KMT2C: variants seen among roughly 807,000 people sequenced by gnomAD.
KMT2C encodes the protein histone-lysine N-methyltransferase 2C.
A neutral mutation model predicts 507.9 loss-of-function variants in KMT2C; 88 were observed. The ratio of observed to expected loss-of-function variants is 0.17; its 90% CI spans 0.15 to 0.21. The LOEUF (loss-of-function observed/expected upper bound fraction) is 0.21, where lower values mean the gene tolerates loss of function less well. Ranked by LOEUF, KMT2C falls within the 10% of genes least tolerant of loss-of-function variation. KMT2C has a pLI of 1.00. For missense variants in KMT2C, 4,954 were observed against 5,957.8 expected (o/e 0.83, Z 5.55); for synonymous variants, 2,049 against 2,080.8 (o/e 0.98, Z 0.42).
At chr7:152,271,545 C>T (rs765685966) in intron 7 of KMT2C, among the ~76,000 whole-genome samples, 4 of 151,702 alleles carry the variant, frequency 2.6e-5, no homozygotes, top group African/African-American at 4.8e-5. Context: ...TGATGGTATG[C>T]GCCTGTAATC....
rs2129113634 is a variant in KMT2C at position 152,176,774 on chromosome 7, G to A, written c.8679C>T (p.Val2893=). ...NRETAGPSAN[V]IQASTQLPAQ... ...CAGGTAGTTGAGTGGATGCCTGAAT[G>A]ACATTTGCACTGGGGCCAGCAGTTT... is the stretch of plus-strand genomic sequence containing the variant. Residue 2893 remains valine, a synonymous_variant, in exon 38 of 59, where the codon GTC becomes GTT. Coordinates refer to ENST00000262189, the MANE Select transcript of KMT2C (RefSeq NM_170606.3). 2 of 1,614,170 alleles carry A rather than the reference G, an allele frequency of 1.2e-6. No individual in the cohort carries two copies. Among genetic ancestry groups the A allele is most frequent in the East Asian group, 2.2e-5 (1 of 44,874 alleles).
Position 152,196,182 on chromosome 7 carries a change from A to T in KMT2C, c.4274-171T>A, listed in dbSNP as rs183870471. Among the ~76,000 whole-genome samples the T allele has an allele frequency of 2.2e-3, 335 of 152,344 alleles. 3 individuals carry two copies. Among genetic ancestry groups the T allele is most frequent in the Middle Eastern group, 0.01 (3 of 294 alleles). The stretch of plus-strand genomic sequence containing the variant: ...CCATAGCAAAGGAGATAATGTTTTG[A>T]ATTACAAAAATTTACTAAAAATTCA... On this transcript the variant is annotated intron_variant, in intron 27 of 58. Transcript: ENST00000262189.
At chr7:152,267,282 A>C (rs1230769942) in intron 7 of KMT2C, among the ~76,000 whole-genome samples, 3 of 152,226 alleles carry the variant, frequency 2.0e-5, no homozygotes, top group Non-Finnish European at 4.4e-5. Context: ...TTATTCTTCA[A>C]GTCTTACTGG....
At chr7:152,247,346 T>C (rs2095487836) in intron 14 of KMT2C, among the ~76,000 whole-genome samples, 1 of 152,154 alleles carries the variant, frequency 6.6e-6, no homozygotes. Flanking sequence ...AACAGTACAA[T>C]TCTAAGATTT....
intron 55 of KMT2C, among the ~76,000 whole-genome samples, chr7:152,142,290 G>C (rs1389299301): frequency 6.6e-6 from 1 of 152,214 alleles, no homozygotes. Context: ...GGAAAATTCT[G>C]AATAGTGTAA....
At chr7:152,270,670 T>C (rs575536668) in intron 7 of KMT2C, among the ~76,000 whole-genome samples, 8 of 152,318 alleles carry the variant, frequency 5.3e-5, no homozygotes, top group East Asian at 1.9e-4. Flanking sequence ...TCTTGCATGA[T>C]TGGCTTTGTG....
chr7:152,240,884 G>A (rs1323198221), intron 14 of KMT2C, among the ~76,000 whole-genome samples: 2 of 152,162 alleles, frequency 1.3e-5, no homozygotes, highest in African/African-American at 4.8e-5. Context: ...TGCTGGTTAT[G>A]CTTCTCCGAC....
At chr7:152,360,836 C>T (rs867761135) in intron 1 of KMT2C, among the ~76,000 whole-genome samples, 3 of 145,064 alleles carry the variant, frequency 2.1e-5, no homozygotes, top group Admixed American at 6.9e-5. Flanking sequence ...GCAACAAGGG[C>T]GAAATTCTAT....
chr7:152,215,309 T>G (rs10242004), intron 23 of KMT2C, among the ~76,000 whole-genome samples: 1 of 151,218 alleles, frequency 6.6e-6, no homozygotes, highest in African/African-American at 2.4e-5. Flanking sequence ...TTCAGGAGAT[T>G]GAGACCAACC....
rs1200958287 is a variant in KMT2C at position 152,412,037 on chromosome 7, A to T, written c.161+23589T>A. ...ATCAAGGATGTCCTACTTGGGCCTC[A>T]CTCTCCCAAACAGAGCCTATTTTCT... On this transcript the variant is annotated intron_variant, in intron 1 of 58. Transcript: ENST00000262189. Among the ~76,000 whole-genome samples, 5 of 152,266 alleles carry T rather than the reference A, an allele frequency of 3.3e-5. No individual in the cohort carries two copies. In the South Asian group the frequency reaches 6.2e-4, roughly 19 times the overall value.
intron 45 of KMT2C, 34 bp from the exon 46 acceptor site, chr7:152,156,091 T>G (rs534193112): frequency 3.1e-6 from 5 of 1,597,792 alleles, no homozygotes; most frequent in Non-Finnish European, 3.4e-6. Context: ...CATAAATACA[T>G]TCAGTCAATA....
At position 152,330,617 on chromosome 7, in the gene KMT2C, C is replaced by T. The variant is rs758576320; in HGVS notation, c.373G>A (p.Val125Ile). 1.8e-5 allele frequency: 29 copies of T among 1,614,030 alleles called. No individual in the cohort carries two copies. The South Asian group carries it at 3.1e-4, about 17-fold the overall frequency. The stretch of plus-strand genomic sequence containing the variant: ...TTCTCTAACCTGATTTTGGCTTCTA[C>T]ACCAACAGAGACCAGGGAGTTTGCC... ...ESANSLVSVG[V>I]EAKISEQLCA... The change falls in exon 3 of 59, where the codon GTA (valine) becomes ATA (isoleucine). Residue 125 changes from valine (V) to isoleucine (I), a missense_variant. Val to Ile is a conservative substitution (Grantham distance 29). Around this residue, in one of 29 missense-constraint regions of KMT2C, gnomAD observed 233 missense variants for 263.6 expected, o/e 0.88. Transcript: ENST00000262189.
At chr7:152,373,903 T>A (rs530113093) in intron 1 of KMT2C, among the ~76,000 whole-genome samples, 2 of 152,236 alleles carry the variant, frequency 1.3e-5, no homozygotes, top group South Asian at 2.1e-4. Context: ...ACAAAGGATA[T>A]GAACAACAAA....
intron 20 of KMT2C, among the ~76,000 whole-genome samples, chr7:152,223,611 T>A (rs952631961): frequency 6.6e-6 from 1 of 151,974 alleles, no homozygotes; most frequent in Non-Finnish European, 1.5e-5. Context: ...CTGGCCAACA[T>A]GGTGAAACCC....
In KMT2C at chr7:152,187,488, T is replaced by C; in HGVS notation, c.4794-12A>G. 6.3e-7 allele frequency: 1 copy of C among 1,596,184 alleles called. No homozygotes were observed. Among genetic ancestry groups the C allele is most frequent in the Non-Finnish European group, 8.6e-7 (1 of 1,164,202 alleles). ...CTGAATTTTTATCCCTGGGAAAAAA[T>C]AAATATCTTTACTTTATGAACATAA... On this transcript the variant is annotated splice_polypyrimidine_tract_variant and intron_variant, in intron 32 of 58. Coordinates refer to ENST00000262189, the MANE Select transcript of KMT2C (RefSeq NM_170606.3).
rs2129097633 is a variant in KMT2C at position 152,152,858 on chromosome 7, C to A, written c.12373G>T (p.Gly4125Cys). ...TTGATTCTGTGGCTACTGACCAAAC[C>A]CATGGATGGGACATCTGGAGCACTG... ...VSSAPDVPSMGLVSSHRINPG... is the reference protein window; with the variant it reads ...VSSAPDVPSMCLVSSHRINPG... Residue 4125 changes from glycine (G) to cysteine (C), a missense_variant, in exon 49 of 59, where the codon GGT becomes TGT. By Grantham distance (159) the Gly-to-Cys change is radical (BLOSUM62 -3). Coordinates refer to ENST00000262189, the MANE Select transcript of KMT2C (RefSeq NM_170606.3). The A allele has an allele frequency of 1.2e-6, 2 of 1,614,108 alleles. No homozygotes were observed. Among genetic ancestry groups the A allele is most frequent in the Non-Finnish European group, 1.7e-6 (2 of 1,180,010 alleles).
chr7:152,243,813 TAAAGA>T (rs1208233863), intron 14 of KMT2C, among the ~76,000 whole-genome samples: 6 of 151,870 alleles, frequency 4.0e-5, no homozygotes, highest in Non-Finnish European at 8.8e-5. Flanking sequence ...AAAAATAAAA[TAAAGA>T]AATGTCTACT....
At chr7:152,393,036 G>A (rs773966569) in intron 1 of KMT2C, among the ~76,000 whole-genome samples, 3 of 152,178 alleles carry the variant, frequency 2.0e-5, no homozygotes, top group Non-Finnish European at 4.4e-5. Context: ...GGTTGAGGCT[G>A]CAAGGAGCCA....
chr7:152,344,508 A>T (rs1027466548), intron 2 of KMT2C, among the ~76,000 whole-genome samples: 4 of 152,190 alleles, frequency 2.6e-5, no homozygotes, highest in Non-Finnish European at 4.4e-5. Context: ...AACTGGAGGT[A>T]ACCAAAACTG....
Sources: gnomAD v4.1 joint callset for allele counts (sites outside exome capture counted in the v4.1 genomes callset) on GRCh38, gnomAD v4.1.1 for gene constraint, gnomAD v4.1.1 regional missense constraint, MANE v1.5 for transcripts, NCBI Gene and HGNC (gene_info 2026-07-23, HGNC 2026-07-21) for gene names.